The following AOAH variants were observed in gnomAD, a reference collection of about 807,000 sequenced individuals.
AOAH encodes the protein acyloxyacyl hydrolase (neutrophil).
In AOAH, 64 loss-of-function variants were observed where a neutral mutation model predicts 92.2. The observed-to-expected ratio is 0.69, with a 90% CI of 0.57 to 0.86. The LOEUF (loss-of-function observed/expected upper bound fraction) is 0.86. Ranked by LOEUF, AOAH falls within the 40% of genes least tolerant of loss-of-function variation. AOAH has a pLI of 0.00. For synonymous variants in AOAH, 263 were observed against 254.5 expected, an observed-to-expected ratio of 1.03 and a Z score of -0.32; for missense variants, 656 against 694.6, an observed-to-expected ratio of 0.94 and a Z score of 0.62.
chr7:36,671,521 G>A (rs184513602), intron 3 of AOAH, among the ~76,000 whole-genome samples: 4 of 152,264 alleles, frequency 2.6e-5, no homozygotes, highest in Admixed American at 6.5e-5. Context: ...GCCATGCTAC[G>A]GGCTTGCACA....
At chr7:36,584,140 G>A (rs915834089) in intron 12 of AOAH, among the ~76,000 whole-genome samples, 6 of 152,000 alleles carry the variant, frequency 3.9e-5, no homozygotes, top group East Asian at 1.9e-4. Flanking sequence ...ATGCTTTTTC[G>A]CATAGTGAAG....
intron 4 of AOAH, 39 bp from the exon 5 acceptor site, chr7:36,637,949 TTA>T: frequency 2.7e-6 from 4 of 1,500,934 alleles, no homozygotes; most frequent in Non-Finnish European, 3.7e-6. Context: ...AACTCATGTT[TTA>T]TCTTTTCTTC....
intron 4 of AOAH, among the ~76,000 whole-genome samples, chr7:36,646,111 T>A (rs750528063): frequency 2.3e-4 from 35 of 152,244 alleles, no homozygotes; most frequent in Non-Finnish European, 4.1e-4. Context: ...ATAGAGTTCT[T>A]AAAGTTCACA....
At chr7:36,527,098 A>G (rs145762115) in intron 19 of AOAH, among the ~76,000 whole-genome samples, 134 of 152,320 alleles carry the variant, frequency 8.8e-4, no homozygotes, top group African/African-American at 3.1e-3. Context: ...TCCTGAAGGG[A>G]GGAAAAGTTG....
At chr7:36,676,501 A>T (rs1667165529) in intron 2 of AOAH, among the ~76,000 whole-genome samples, 1 of 152,226 alleles carries the variant, frequency 6.6e-6, no homozygotes, top group South Asian at 2.1e-4. Context: ...ATGAATTGGC[A>T]GACTTAATAT....
intron 16 of AOAH, among the ~76,000 whole-genome samples, chr7:36,539,272 T>C (rs1785268003): frequency 6.6e-6 from 1 of 152,164 alleles, no homozygotes; most frequent in Non-Finnish European, 1.5e-5. Flanking sequence ...TGGGTTGGGC[T>C]CAGGAGGTGA....
Position 36,551,820 on chromosome 7 carries a change from A to G in AOAH, c.1022-2345T>C, listed in dbSNP as rs180749009. 7.9e-4 allele frequency among the ~76,000 whole-genome samples: 120 copies of G among 152,270 alleles called. 1 individual carries two copies. In the East Asian group the frequency reaches 0.016, roughly 21 times the overall value. On this transcript the variant is annotated intron_variant, in intron 13 of 20. Coordinates refer to ENST00000617537, the MANE Select transcript of AOAH (RefSeq NM_001637.4). ...TATCTAACTGAAAGTGCTGGGCTGT[A>G]TTGTAATACTATGTTTAATTTTTTT... is the stretch of plus-strand genomic sequence containing the variant.
At chr7:36,616,930 A>G (rs2115985824) in intron 10 of AOAH, among the ~76,000 whole-genome samples, 1 of 152,352 alleles carries the variant, frequency 6.6e-6, no homozygotes, top group Non-Finnish European at 1.5e-5. Context: ...ATACAGGCAA[A>G]AACACTGGAT....
intron 3 of AOAH, among the ~76,000 whole-genome samples, chr7:36,660,710 T>G (rs575912576): frequency 6.6e-6 from 1 of 152,364 alleles, no homozygotes; most frequent in East Asian, 1.9e-4. Context: ...TTAAAACATT[T>G]AGTTTACATC....
At chr7:36,586,167 G>A (rs1452294925) in intron 12 of AOAH, among the ~76,000 whole-genome samples, 1 of 151,984 alleles carries the variant, frequency 6.6e-6, no homozygotes, top group Non-Finnish European at 1.5e-5. Flanking sequence ...ATACAAGTAT[G>A]CTGCAGGATT....
At chr7:36,628,073 G>A (rs1276484907) in intron 6 of AOAH, among the ~76,000 whole-genome samples, 2 of 152,240 alleles carry the variant, frequency 1.3e-5, no homozygotes, top group East Asian at 3.9e-4. Flanking sequence ...CCATGGAAGG[G>A]CACACCTGCC....
intron 1 of AOAH, among the ~76,000 whole-genome samples, chr7:36,697,227 A>G (rs1430687212): frequency 3.9e-5 from 6 of 152,142 alleles, no homozygotes; most frequent in African/African-American, 7.2e-5. Context: ...TTCTTTCATA[A>G]TTTGTTGAGA....
chr7:36,715,273 T>G (rs190888704), intron 1 of AOAH, among the ~76,000 whole-genome samples: 1 of 152,138 alleles, frequency 6.6e-6, no homozygotes, highest in African/African-American at 2.4e-5. Flanking sequence ...ACAAGGGACA[T>G]GAAGGACCTC....
intron 2 of AOAH, among the ~76,000 whole-genome samples, chr7:36,681,334 A>G (rs935614109): frequency 1.3e-5 from 2 of 152,244 alleles, no homozygotes; most frequent in African/African-American, 4.8e-5. Flanking sequence ...GTAAAGAAGT[A>G]TAGAGTAATT....
At chr7:36,696,042 C>T (rs1797689561) in intron 1 of AOAH, among the ~76,000 whole-genome samples, 1 of 152,116 alleles carries the variant, frequency 6.6e-6, no homozygotes, top group African/African-American at 2.4e-5. Flanking sequence ...TAAAAGACTA[C>T]CCTCTTGCCA....
intron 1 of AOAH, among the ~76,000 whole-genome samples, chr7:36,708,760 G>GT (rs1798581580): frequency 2.0e-5 from 3 of 152,130 alleles, no homozygotes; most frequent in Non-Finnish European, 4.4e-5. Context: ...GGAATGTAGA[G>GT]TTTTTTACAT....
intron 1 of AOAH, among the ~76,000 whole-genome samples, chr7:36,711,240 G>C (rs1486965294): frequency 6.6e-6 from 1 of 152,088 alleles, no homozygotes; most frequent in African/African-American, 2.4e-5. Context: ...CAATAGAGAG[G>C]TGGGCACATT....
intron 12 of AOAH, among the ~76,000 whole-genome samples, chr7:36,587,074 C>T (rs1315258691): frequency 6.6e-6 from 1 of 151,794 alleles, no homozygotes; most frequent in African/African-American, 2.4e-5. Flanking sequence ...GAGTTCGCGA[C>T]CAGCCTGGGC....
In AOAH at chr7:36,586,570, C is replaced by T. The variant is rs370702444; in HGVS notation, c.938+7769G>A. ...ATCTCTAAATGTCAGCATCTCCTAG[C>T]CTCTCTGTCTTCAGCTATGTTTCCT... is the stretch of plus-strand genomic sequence containing the variant. On this transcript the variant is annotated intron_variant, in intron 12 of 20. Coordinates refer to ENST00000617537, the MANE Select transcript of AOAH (RefSeq NM_001637.4). 5.9e-5 allele frequency among the ~76,000 whole-genome samples: 9 copies of T among 152,138 alleles called. No individual in the cohort carries two copies. The East Asian group carries it at 9.6e-4, about 16-fold the overall frequency.
Sources: gnomAD v4.1 joint callset for allele counts (sites outside exome capture counted in the v4.1 genomes callset) on GRCh38, gnomAD v4.1.1 for gene constraint, MANE v1.5 for transcripts, NCBI Gene and HGNC (gene_info 2026-07-23, HGNC 2026-07-21) for gene names.